The following CAPN8 variants were observed in gnomAD, a reference collection of about 807,000 sequenced individuals.
The protein encoded by CAPN8 is calpain-8.
A neutral mutation model predicts 80.9 loss-of-function variants in CAPN8; 87 were observed. The ratio of observed to expected loss-of-function variants is 1.07; its 90% CI spans 0.90 to 1.28. The LOEUF (loss-of-function observed/expected upper bound fraction) is 1.28, where lower values mean the gene tolerates loss of function less well. Among genes scored for constraint, CAPN8 ranks in the 50% most tolerant of loss-of-function variants. The probability of loss-of-function intolerance (pLI) is 0.00; values close to 1 mark genes in which losing one functional copy is unlikely to be tolerated. For missense variants in CAPN8, 757 were observed against 702.0 expected (o/e 1.08, Z -0.89); for synonymous variants, 299 against 273.8 (o/e 1.09, Z -0.91).
intron 18 of CAPN8, 170 bp from the exon 19 acceptor site, chr1:223,544,353 C>T (rs1656559924): frequency 1.7e-6 from 1 of 602,874 alleles, no homozygotes; most frequent in Non-Finnish European, 3.0e-6. Flanking sequence ...TCCTGCCATC[C>T]ATCCCTCTCC....
At chr1:223,626,911 C>G in intron 5 of CAPN8, 78 bp downstream of exon 5, 1 of 1,460,494 alleles carries the variant, frequency 6.8e-7, no homozygotes, top group Non-Finnish European at 9.3e-7. Context: ...GCCTCTCTCC[C>G]GCTGTCTCAT....
intron 2 of CAPN8, among the ~76,000 whole-genome samples, chr1:223,650,904 C>T (rs887693274): frequency 6.6e-5 from 10 of 152,054 alleles, no homozygotes; most frequent in Non-Finnish European, 8.8e-5. Flanking sequence ...TGCTCTGAGA[C>T]GTGCATAGGC....
chr1:223,657,582 C>A (rs571931072), intron 1 of CAPN8, among the ~76,000 whole-genome samples: 2 of 152,212 alleles, frequency 1.3e-5, no homozygotes, highest in South Asian at 2.1e-4. Context: ...ACCTGACCAA[C>A]AGGGCAAAAC....
chr1:223,618,201 CA>C, intron 9 of CAPN8: 3 of 1,548,722 alleles, frequency 1.9e-6, no homozygotes, highest in Non-Finnish European at 2.6e-6. Flanking sequence ...TGCTTTTCTT[CA>C]TTTCTCCTTA....
intron 2 of CAPN8, among the ~76,000 whole-genome samples, chr1:223,638,282 C>T (rs1031514411): frequency 6.6e-5 from 10 of 152,062 alleles, no homozygotes; most frequent in Non-Finnish European, 1.2e-4. Context: ...ATATCAGGGA[C>T]TTGAGCATCT....
At chr1:223,619,168 TG>T in intron 9 of CAPN8, 124 bp downstream of exon 9, 1 of 1,165,900 alleles carries the variant, frequency 8.6e-7, no homozygotes, top group Non-Finnish European at 1.2e-6. Flanking sequence ...CACTCCAACC[TG>T]GGGAACAGAG....
chr1:223,653,277 C>G lies in CAPN8; in HGVS notation c.307+1053G>C, dbSNP rs142694991. On this transcript the variant is annotated intron_variant, in intron 2 of 20. Coordinates refer to ENST00000366872, the MANE Select transcript of CAPN8 (RefSeq NM_001143962.2). ...AATCGTTCCCGCTGCTTGATCGTCA[C>G]GCTCTGTGAGCTCTTTCTAAGGTAC... Among the ~76,000 whole-genome samples, 7 of 151,662 alleles carry G rather than the reference C, an allele frequency of 4.6e-5. No individual in the cohort carries two copies. In the East Asian group the frequency reaches 1.4e-3, roughly 30 times the overall value.
intron 6 of CAPN8, 128 bp from the exon 7 acceptor site, chr1:223,623,028 C>T: frequency 1.5e-6 from 1 of 675,934 alleles, no homozygotes; most frequent in South Asian, 1.9e-5. Flanking sequence ...TTTTATTTTC[C>T]TTTAATGCAT....
intron 2 of CAPN8, among the ~76,000 whole-genome samples, chr1:223,629,511 G>A (rs2102715984): frequency 6.6e-6 from 1 of 152,292 alleles, no homozygotes; most frequent in South Asian, 2.1e-4. Flanking sequence ...TGCAAGTTGG[G>A]ACCCACCACA....
rs1656554367 is a variant in CAPN8, at chr1:223,544,193, G to A, written c.1913-10C>T. The A allele has an allele frequency of 5.6e-6, 4 of 717,378 alleles. No homozygotes were observed. Among genetic ancestry groups the A allele is most frequent in the African/African-American group, 1.7e-5 (1 of 57,272 alleles). The allele number at this position is 717,378 out of a possible 1,614,324, so 44.4% of individuals were successfully genotyped here. On this transcript the variant is annotated splice_polypyrimidine_tract_variant and intron_variant, in intron 18 of 20. Coordinates refer to ENST00000366872, the MANE Select transcript of CAPN8 (RefSeq NM_001143962.2). The stretch of plus-strand genomic sequence containing the variant: ...CTGTTGAGGGTGAAACCTGAGGGCA[G>A]AGGGAGCCTGGGTCACAGGTAGAGT...
In CAPN8 at chr1:223,664,072, A is replaced by G. The variant is rs184685566; in HGVS notation, c.237+1338T>C. Among the ~76,000 whole-genome samples, 8 of 152,324 alleles carry G rather than the reference A, an allele frequency of 5.3e-5. No homozygotes were observed. The East Asian group carries it at 1.2e-3, about 22-fold the overall frequency. ...AGCTCAATTCTCACAACCACTCTGT[A>G]TGGGAGAGGTTCTCATCCCTGAGGA... On this transcript the variant is annotated intron_variant, in intron 1 of 20. Transcript: ENST00000366872.
At chr1:223,640,234 G>C (rs1291951153) in intron 2 of CAPN8, among the ~76,000 whole-genome samples, 1 of 152,084 alleles carries the variant, frequency 6.6e-6, no homozygotes, top group Non-Finnish European at 1.5e-5. Flanking sequence ...AATGAGATAA[G>C]ATACGCAAGG....
At chr1:223,550,240 T>C (rs902325507) in intron 15 of CAPN8, among the ~76,000 whole-genome samples, 1 of 152,202 alleles carries the variant, frequency 6.6e-6, no homozygotes, top group Non-Finnish European at 1.5e-5. Context: ...CTCCGAGCCC[T>C]GGGGATCCAT....
chr1:223,549,719 T>C (rs548199885), intron 15 of CAPN8, among the ~76,000 whole-genome samples: 1 of 152,340 alleles, frequency 6.6e-6, no homozygotes, highest in East Asian at 1.9e-4. Flanking sequence ...ACAATGACCA[T>C]ACTTGCCCCA....
chr1:223,553,382 C>T (rs1269717839), intron 14 of CAPN8, among the ~76,000 whole-genome samples: 5 of 152,292 alleles, frequency 3.3e-5, no homozygotes, highest in South Asian at 2.1e-4. Context: ...GGCTGCAGGA[C>T]GGTGACAGGG....
intron 1 of CAPN8, among the ~76,000 whole-genome samples, chr1:223,656,762 C>T (rs1418394798): frequency 7.0e-6 from 1 of 142,728 alleles, no homozygotes; most frequent in Non-Finnish European, 1.5e-5. Flanking sequence ...CGGCTCACTG[C>T]AAGCTCCGCC....
intron 15 of CAPN8, 54 bp downstream of exon 15, chr1:223,550,906 C>A (rs942618392): frequency 1.4e-6 from 1 of 710,590 alleles, no homozygotes; most frequent in East Asian, 2.7e-5. Flanking sequence ...CCATCCCTCA[C>A]CCTGCCCCAG....
rs776098746 is a variant in CAPN8, at chr1:223,615,866, A to G, written c.1311+104T>C. ...AGAGGAGCAAGGACGCTTCTCGATTAGGAATACTCCAGCAATAGGAAAGAT... is the reference window on the plus strand; with the variant it reads ...AGAGGAGCAAGGACGCTTCTCGATTGGGAATACTCCAGCAATAGGAAAGAT... On this transcript the variant is annotated intron_variant, in intron 10 of 20. Coordinates refer to ENST00000366872, the MANE Select transcript of CAPN8 (RefSeq NM_001143962.2). The G allele has an allele frequency of 1.4e-5, 19 of 1,403,864 alleles. No individual in the cohort carries two copies. The African/African-American group carries it at 2.7e-4, about 20-fold the overall frequency. 87.0% of individuals were successfully genotyped at this position (1,403,864 alleles called of 1,614,324 possible). A position where few individuals can be genotyped will look rare whatever the true frequency, so the allele number is the denominator to read the frequency against.
chr1:223,638,989 C>T (rs1657978910), intron 2 of CAPN8, among the ~76,000 whole-genome samples: 1 of 152,204 alleles, frequency 6.6e-6, no homozygotes, highest in African/African-American at 2.4e-5. Context: ...CCTGTAATCC[C>T]AACACTTTGG....
Sources: allele counts gnomAD v4.1 joint callset (sites outside exome capture counted in the v4.1 genomes callset), GRCh38; gene constraint gnomAD v4.1.1; transcripts MANE v1.5; gene names NCBI Gene and HGNC (gene_info 2026-07-23, HGNC 2026-07-21).